Variants in GLIS2 observed in about 807,000 individuals in gnomAD.
GLIS2 encodes the protein GLIS family zinc finger 2, also known as zinc finger protein GLIS2.
GLIS2 carries 14 observed loss-of-function variants against 35.6 expected under a neutral mutation model. That is an observed-to-expected ratio of 0.39 (90% confidence interval 0.26 to 0.61). The LOEUF is 0.61. Ranked by LOEUF, GLIS2 falls within the 20% of genes least tolerant of loss-of-function variation. The pLI, the probability that GLIS2 is intolerant of heterozygous loss-of-function variation, is 0.48. For missense variants in GLIS2, 675 were observed against 713.4 expected (o/e 0.95, Z 0.61); for synonymous variants, 368 against 325.1 (o/e 1.13, Z -1.42).
Position 4,337,534 on chromosome 16 carries a change from G to T in GLIS2, c.*10G>T, listed in dbSNP as rs748480796. On this transcript the variant is annotated 3_prime_UTR_variant, in exon 7 of 7. Coordinates refer to ENST00000433375, the MANE Select transcript of GLIS2 (RefSeq NM_032575.3). ...GGCTGTGGTGAACTGAGCCCATCCTGCGGACAGTTGTGGTGCCCCCCCGGC... is the reference window on the plus strand; with the variant it reads ...GGCTGTGGTGAACTGAGCCCATCCTTCGGACAGTTGTGGTGCCCCCCCGGC... 7.7e-6 allele frequency: 12 copies of T among 1,550,378 alleles called. No individual in the cohort carries two copies. The highest frequency in any genetic ancestry group is 1.0e-5 in the Non-Finnish European group (12 of 1,153,458).
rs1187823519 is a variant in GLIS2, at chr16:4,337,097, C to A, written c.1148C>A (p.Ala383Asp). The change falls in exon 7 of 7, where the codon GCC becomes GAC. Residue 383 changes from alanine (A) to aspartate (D), a missense_variant. Around this residue, in one of 3 missense-constraint regions of GLIS2, gnomAD observed 317 missense variants for 283.2 expected, o/e 1.12. Coordinates refer to ENST00000433375, the MANE Select transcript of GLIS2 (RefSeq NM_032575.3). ...GCCCCCGGCCCCCTTGACCTCAGTG[C>A]CCTGGCCTGTGGCAACGGTGGGGGC... ...PLAPGPLDLS[A>D]LACGNGGGSG... The A allele has an allele frequency of 6.5e-7, 1 of 1,536,512 alleles. No individual in the cohort carries two copies. Among genetic ancestry groups the A allele is most frequent in the Admixed American group, 2.0e-5 (1 of 51,006 alleles).
At position 4,320,917 on chromosome 16, in the gene GLIS2, C is replaced by T. The variant is rs942513765; in HGVS notation, c.-67+4663C>T. 5.3e-5 allele frequency among the ~76,000 whole-genome samples: 8 copies of T among 152,186 alleles called. No homozygotes were observed. Among genetic ancestry groups the T allele is most frequent in the Admixed American group, 5.2e-4 (8 of 15,276 alleles). On this transcript the variant is annotated intron_variant, in intron 1 of 6. Transcript: ENST00000433375. The surrounding 1 kb of genome is among the most constrained non-coding windows in gnomAD (Gnocchi z 5.6). ...GTGGTCACCCTGCTTGGTTCTAGGG[C>T]CACTGGGCCCCGAGGGCCTGGAGCC...
chr16:4,337,704 G>A lies in GLIS2; in HGVS notation c.*180G>A. ...GCTGGCCTCCCAGCCCCCGGGTGGG[G>A]ACCTGGCCTGTCATGCAGGGAGAGC... On this transcript the variant is annotated 3_prime_UTR_variant, in exon 7 of 7. Transcript: ENST00000433375. 1.2e-6 allele frequency: 1 copy of A among 838,292 alleles called. No individual in the cohort carries two copies. Among genetic ancestry groups the A allele is most frequent in the Non-Finnish European group, 1.9e-6 (1 of 527,502 alleles). 51.9% of individuals were successfully genotyped at this position (838,292 alleles called of 1,614,324 possible).
intron 6 of GLIS2, 200 bp from the exon 7 acceptor site, chr16:4,336,525 C>T (rs2053552870): frequency 1.5e-6 from 1 of 667,382 alleles, no homozygotes; most frequent in South Asian, 1.7e-5. Flanking sequence ...GAGCTGGAGT[C>T]AACCAGGCTG....
At chr16:4,316,298 G>GC (rs1238468663) in intron 1 of GLIS2, among the ~76,000 whole-genome samples, 44 bp downstream of exon 1, 14 of 131,168 alleles carry the variant, frequency 1.1e-4, no homozygotes, top group Non-Finnish European at 1.8e-4. Flanking sequence ...CCGGGCCGGG[G>GC]CGGGGGGGGG....
chr16:4,321,910 C>T (rs1164055116), intron 1 of GLIS2, among the ~76,000 whole-genome samples: 2 of 152,152 alleles, frequency 1.3e-5, no homozygotes, highest in East Asian at 1.9e-4. Context: ...GACTTGGACC[C>T]GGGACAGCCT....
At chr16:4,330,310 C>A (rs1165234739) in intron 1 of GLIS2, among the ~76,000 whole-genome samples, 3 of 152,132 alleles carry the variant, frequency 2.0e-5, no homozygotes, top group African/African-American at 7.2e-5. Flanking sequence ...GTGAGAAATT[C>A]TAAGAAAAAT....
intron 1 of GLIS2, among the ~76,000 whole-genome samples, chr16:4,316,730 C>G (rs770918500): frequency 6.6e-6 from 1 of 152,138 alleles, no homozygotes; most frequent in Non-Finnish European, 1.5e-5. Context: ...GAGTCTCCCT[C>G]CTGCTGCCCC....
At chr16:4,334,140 T>C (rs547356948) in intron 3 of GLIS2, among the ~76,000 whole-genome samples, 1 of 152,024 alleles carries the variant, frequency 6.6e-6, no homozygotes, top group South Asian at 2.1e-4. Context: ...GGTTTCTCCA[T>C]GTTGGTCAGG....
At chr16:4,317,410 G>A (rs1451630921) in intron 1 of GLIS2, among the ~76,000 whole-genome samples, 2 of 152,194 alleles carry the variant, frequency 1.3e-5, no homozygotes, top group African/African-American at 2.4e-5. Flanking sequence ...TGGAGGGAAG[G>A]TGGGGCCAGC....
chr16:4,334,076 A>G (rs1438980169), intron 3 of GLIS2, among the ~76,000 whole-genome samples: 1 of 148,708 alleles, frequency 6.7e-6, no homozygotes, highest in Non-Finnish European at 1.5e-5. Flanking sequence ...CCAAGCTGGG[A>G]CTACAGGTAC....
chr16:4,336,639 G>C, intron 6 of GLIS2, 86 bp from the exon 7 acceptor site: 7 of 1,348,002 alleles, frequency 5.2e-6, no homozygotes, highest in Non-Finnish European at 7.3e-6. Context: ...GGGAGTGCTT[G>C]GCCCGGGGAA....
At chr16:4,327,674 C>A (rs1048526647) in intron 1 of GLIS2, among the ~76,000 whole-genome samples, 1 of 151,640 alleles carries the variant, frequency 6.6e-6, no homozygotes, top group African/African-American at 2.4e-5. Flanking sequence ...GGGGGCCCGC[C>A]CAGCCCACCC....
intron 1 of GLIS2, among the ~76,000 whole-genome samples, chr16:4,316,751 G>A (rs972211431): frequency 6.6e-6 from 1 of 152,124 alleles, no homozygotes. Flanking sequence ...TCGCAAGCCC[G>A]GGTCCTTCCT....
chr16:4,319,466 T>C (rs559035479), intron 1 of GLIS2, among the ~76,000 whole-genome samples: 2 of 152,172 alleles, frequency 1.3e-5, no homozygotes, highest in South Asian at 4.2e-4. Context: ...AGAGATGGGT[T>C]GAGGCCCTGA....
rs1448354360 is a variant in GLIS2, at chr16:4,332,120, G to A, written c.-66-95G>A. Reference sequence around the variant, plus strand: ...CCTACCCAGGAGACAACCTCACACTGCCCCCTGCTCCTGCTCCTGTTAGAC... The same window carrying A: ...CCTACCCAGGAGACAACCTCACACTACCCCCTGCTCCTGCTCCTGTTAGAC... On this transcript the variant is annotated intron_variant, in intron 1 of 6. Coordinates refer to ENST00000433375, the MANE Select transcript of GLIS2 (RefSeq NM_032575.3). This position sits in a 1 kb window ranked among gnomAD's most constrained non-coding sequence, Gnocchi z 5.4. The A allele has an allele frequency of 2.2e-6, 2 of 927,850 alleles. No homozygotes were observed. The highest frequency in any genetic ancestry group is 3.4e-6 in the Non-Finnish European group (2 of 595,434). 57.5% of individuals were successfully genotyped at this position (927,850 alleles called of 1,614,324 possible). A position where few individuals can be genotyped will look rare whatever the true frequency, so the allele number is the denominator to read the frequency against.
At position 4,334,891 on chromosome 16, in the gene GLIS2, GCCT is replaced by G. The variant is rs774507042; in HGVS notation, c.443_445del (p.Ser148del). 1 of 1,613,002 alleles carries G rather than the reference GCCT, an allele frequency of 6.2e-7. No homozygotes were observed. The highest frequency in any genetic ancestry group is 1.3e-5 in the African/African-American group (1 of 74,868). ...CTCCGGGGGGGCCCTGCACCTGCCT[GCCT>G]CCTCCTTCCTTACCCCTCCCAAGGA... On this transcript the variant is annotated inframe_deletion, in exon 4 of 7. Coordinates refer to ENST00000433375, the MANE Select transcript of GLIS2 (RefSeq NM_032575.3).
At chr16:4,330,318 AATG>A (rs1338987917) in intron 1 of GLIS2, among the ~76,000 whole-genome samples, 1 of 152,242 alleles carries the variant, frequency 6.6e-6, no homozygotes, top group Non-Finnish European at 1.5e-5. Context: ...TTCTAAGAAA[AATG>A]ATGAAAATTA....
At chr16:4,329,856 G>C (rs761642954) in intron 1 of GLIS2, among the ~76,000 whole-genome samples, 2 of 152,220 alleles carry the variant, frequency 1.3e-5, no homozygotes, top group African/African-American at 4.8e-5. Context: ...ATGAACAAAC[G>C]CAAGGAAATG....
Sources: allele counts gnomAD v4.1 joint callset (sites outside exome capture counted in the v4.1 genomes callset), GRCh38; gene constraint gnomAD v4.1.1; regional missense constraint gnomAD v4.1.1; non-coding constraint Gnocchi (gnomAD v3.1); transcripts MANE v1.5; gene names NCBI Gene and HGNC (gene_info 2026-07-23, HGNC 2026-07-21).